The following PARD3B variants were observed in gnomAD, a reference collection of about 807,000 sequenced individuals.
PARD3B encodes partitioning defective 3 homolog B.
Under a neutral mutation model 130.2 loss-of-function variants are expected in PARD3B, and 103 were observed. The ratio of observed to expected loss-of-function variants is 0.79; its 90% CI spans 0.67 to 0.93. The LOEUF (loss-of-function observed/expected upper bound fraction) is 0.93. Among genes scored for constraint, PARD3B ranks in the 40% least tolerant of loss-of-function variants. The probability of loss-of-function intolerance (pLI) is 0.00; values close to 1 mark genes in which losing one functional copy is unlikely to be tolerated. For synonymous variants in PARD3B, 583 were observed against 553.2 expected (o/e 1.05, Z -0.76); for missense variants, 1,609 against 1,499.2 (o/e 1.07, Z -1.21).
rs142559278 is a variant in PARD3B at position 205,076,576 on chromosome 2, G to A, written c.505-27850G>A. Among the ~76,000 whole-genome samples the A allele has an allele frequency of 7.7e-3, 1,171 of 152,260 alleles. 7 individuals are homozygous for A. Among genetic ancestry groups the A allele is most frequent in the African/African-American group, 0.026 (1,075 of 41,540 alleles). Reference sequence around the variant, plus strand: ...TGGTCCATGGCCTGTTAGGAGCCAGGCTGCACAGCAGGAGGTAAGCAGTAG... The same window carrying A: ...TGGTCCATGGCCTGTTAGGAGCCAGACTGCACAGCAGGAGGTAAGCAGTAG... On this transcript the variant is annotated intron_variant, in intron 4 of 22. Coordinates refer to ENST00000406610, the MANE Select transcript of PARD3B (RefSeq NM_001302769.2).
At chr2:204,720,568 A>T (rs1276000047) in intron 2 of PARD3B, among the ~76,000 whole-genome samples, 2 of 152,188 alleles carry the variant, frequency 1.3e-5, no homozygotes, top group African/African-American at 4.8e-5. Flanking sequence ...AAGAAAGGAT[A>T]AATTGATGTC....
chr2:204,779,764 C>G (rs2041773831), intron 2 of PARD3B, among the ~76,000 whole-genome samples: 1 of 152,152 alleles, frequency 6.6e-6, no homozygotes, highest in Admixed American at 6.6e-5. Context: ...CACTCCAACA[C>G]CTGGGCTCAG....
intron 16 of PARD3B, among the ~76,000 whole-genome samples, chr2:205,250,553 G>A (rs933310962): frequency 2.0e-5 from 3 of 152,054 alleles, no homozygotes; most frequent in Admixed American, 2.0e-4. Flanking sequence ...ACAATCTAGG[G>A]AGCTATTTCT....
rs139774024 is a variant in PARD3B at position 204,798,092 on chromosome 2, C to A, written c.222+111810C>A. Among the ~76,000 whole-genome samples the A allele has an allele frequency of 2.0e-5, 3 of 152,176 alleles. No individual in the cohort carries two copies. The East Asian group carries it at 5.8e-4, about 29-fold the overall frequency. ...ACCTTCATAAGAATCAAAAATCAGGCGAGCAATCCCACTATTTGGTTTTAA... is the reference window on the plus strand; with the variant it reads ...ACCTTCATAAGAATCAAAAATCAGGAGAGCAATCCCACTATTTGGTTTTAA... On this transcript the variant is annotated intron_variant, in intron 2 of 22. Transcript: ENST00000406610.
At chr2:204,914,760 G>A (rs2047379016) in intron 2 of PARD3B, among the ~76,000 whole-genome samples, 1 of 152,190 alleles carries the variant, frequency 6.6e-6, no homozygotes, top group South Asian at 2.1e-4. Flanking sequence ...AGGTTTGAGG[G>A]CAGACAGTGG....
At chr2:205,202,958 T>A (rs1252726982) in intron 15 of PARD3B, among the ~76,000 whole-genome samples, 1 of 152,140 alleles carries the variant, frequency 6.6e-6, no homozygotes, top group Non-Finnish European at 1.5e-5. Flanking sequence ...CATAGGTATA[T>A]CCTTAAGTCA....
intron 2 of PARD3B, among the ~76,000 whole-genome samples, chr2:204,822,995 G>A (rs2043425511): frequency 6.6e-6 from 1 of 152,132 alleles, no homozygotes; most frequent in African/African-American, 2.4e-5. Flanking sequence ...AGGTTTGAAA[G>A]TTTGGGGGAC....
rs772027661 is a variant in PARD3B, at chr2:205,499,961, G to A, written c.3110G>A (p.Arg1037Gln). ...QKLRKEYYQA[R>Q]REGFPLYEDD... is the part of the protein sequence containing the mutation. ...TTGCGGAAAGAGTATTATCAGGCTC[G>A]GAGGGAAGGTTTCCCTTTATATGAA... Residue 1037 changes from arginine (R) to glutamine (Q), a missense_variant, in exon 21 of 23, where the codon CGG (arginine) becomes CAG (glutamine). By Grantham distance (43) the Arg-to-Gln change is conservative. Coordinates refer to ENST00000406610, the MANE Select transcript of PARD3B (RefSeq NM_001302769.2). The A allele has an allele frequency of 9.3e-6, 15 of 1,613,684 alleles. 1 individual carries two copies. The highest frequency in any genetic ancestry group is 4.4e-5 in the South Asian group (4 of 91,064).
intron 16 of PARD3B, among the ~76,000 whole-genome samples, chr2:205,252,609 A>T (rs773681160): frequency 1.3e-5 from 2 of 152,180 alleles, no homozygotes; most frequent in Non-Finnish European, 2.9e-5. Flanking sequence ...AACATGAAAC[A>T]TCATGGTATA....
rs754823659 is a variant in PARD3B, at chr2:205,458,339, T to C, written c.3044+17667T>C. Reference sequence around the variant, plus strand: ...TGTCTTTCTCTCTCTCTCCCTTCCTTCTGGGATCCAATAAAGCAAAAATAT... The same window carrying C: ...TGTCTTTCTCTCTCTCTCCCTTCCTCCTGGGATCCAATAAAGCAAAAATAT... On this transcript the variant is annotated intron_variant, in intron 20 of 22. Transcript: ENST00000406610. This position sits in a 1 kb window ranked among gnomAD's most constrained non-coding sequence, Gnocchi z 4.8. Among the ~76,000 whole-genome samples, 1 of 151,970 alleles carries C rather than the reference T, an allele frequency of 6.6e-6. No individual in the cohort carries two copies. Among genetic ancestry groups the C allele is most frequent in the Non-Finnish European group, 1.5e-5 (1 of 67,976 alleles).
intron 2 of PARD3B, among the ~76,000 whole-genome samples, chr2:204,755,209 G>T (rs1005381707): frequency 1.3e-4 from 20 of 152,098 alleles, no homozygotes; most frequent in African/African-American, 4.8e-4. Context: ...TTTAGGGGAA[G>T]CTCCTAACTA....
At chr2:204,630,491 T>G (rs2034640696) in intron 1 of PARD3B, among the ~76,000 whole-genome samples, 1 of 152,158 alleles carries the variant, frequency 6.6e-6, no homozygotes, top group South Asian at 2.1e-4. Context: ...AGATACTTGG[T>G]TTTGCTGAAC....
intron 21 of PARD3B, among the ~76,000 whole-genome samples, chr2:205,517,300 C>T (rs1195705465): frequency 6.6e-6 from 1 of 151,542 alleles, no homozygotes; most frequent in Non-Finnish European, 1.5e-5. Flanking sequence ...GGAGGAGTTT[C>T]TCTTGAGAGG....
chr2:205,280,809 A>G lies in PARD3B; in HGVS notation c.2186-19721A>G, dbSNP rs144522651. Among the ~76,000 whole-genome samples, 14 of 152,324 alleles carry G rather than the reference A, an allele frequency of 9.2e-5. No individual in the cohort carries two copies. In the East Asian group the frequency reaches 2.7e-3, roughly 29 times the overall value. On this transcript the variant is annotated intron_variant, in intron 16 of 22. Coordinates refer to ENST00000406610, the MANE Select transcript of PARD3B (RefSeq NM_001302769.2). The surrounding 1 kb of genome is among the most constrained non-coding windows in gnomAD (Gnocchi z 4.7). ...GAAGTAAGCTCTTGATGGATGGGGAACAAACCAAATAAATACAGTATTTTA... is the reference window on the plus strand; with the variant it reads ...GAAGTAAGCTCTTGATGGATGGGGAGCAAACCAAATAAATACAGTATTTTA...
At chr2:205,023,044 C>T (rs1479241514) in intron 3 of PARD3B, among the ~76,000 whole-genome samples, 1 of 152,148 alleles carries the variant, frequency 6.6e-6, no homozygotes, top group African/African-American at 2.4e-5. Flanking sequence ...GGCTCAGTTC[C>T]CTGGTCCATT....
At chr2:204,547,801 A>T (rs1008501993) in intron 1 of PARD3B, among the ~76,000 whole-genome samples, 1 of 152,232 alleles carries the variant, frequency 6.6e-6, no homozygotes, top group African/African-American at 2.4e-5. Flanking sequence ...AAATAACATG[A>T]AGAGAACTAA....
rs181995397 is a variant in PARD3B, at chr2:205,098,295, A to C, written c.505-6131A>C. On this transcript the variant is annotated intron_variant, in intron 4 of 22. Coordinates refer to ENST00000406610, the MANE Select transcript of PARD3B (RefSeq NM_001302769.2). Reference sequence around the variant, plus strand: ...TGTTTTTAAATGCACCTGAGTTTTTAAAACATAATTCAGCTGCAGTTAAAT... The same window carrying C: ...TGTTTTTAAATGCACCTGAGTTTTTCAAACATAATTCAGCTGCAGTTAAAT... Among the ~76,000 whole-genome samples the C allele has an allele frequency of 2.6e-5, 4 of 152,288 alleles. 1 individual carries two copies. Among genetic ancestry groups the C allele is most frequent in the South Asian group, 4.1e-4 (2 of 4,830 alleles).
At chr2:205,254,671 T>TA (rs2039994978) in intron 16 of PARD3B, among the ~76,000 whole-genome samples, 1 of 144,542 alleles carries the variant, frequency 6.9e-6, no homozygotes, top group African/African-American at 2.6e-5. Context: ...TTTATTTTAT[T>TA]TTTTTTTTTT....
At chr2:204,828,756 A>G (rs541064252) in intron 2 of PARD3B, among the ~76,000 whole-genome samples, 6 of 152,170 alleles carry the variant, frequency 3.9e-5, no homozygotes, top group Non-Finnish European at 7.3e-5. Context: ...TCTCTTTTGC[A>G]TAGTATGACC....
Sources: allele counts gnomAD v4.1 joint callset (sites outside exome capture counted in the v4.1 genomes callset), GRCh38; gene constraint gnomAD v4.1.1; non-coding constraint Gnocchi (gnomAD v3.1); transcripts MANE v1.5; gene names NCBI Gene and HGNC (gene_info 2026-07-23, HGNC 2026-07-21).